The following LHX2 variants were observed in gnomAD, a reference collection of about 807,000 sequenced individuals.
LHX2 encodes the protein LIM/homeobox protein Lhx2.
LHX2 carries 6 observed loss-of-function variants against 33.0 expected under a neutral mutation model. That is an observed-to-expected ratio of 0.18 (90% CI 0.10 to 0.36). LHX2 has a LOEUF of 0.36. Among genes scored for constraint, LHX2 ranks in the 10% least tolerant of loss-of-function variants. The pLI, the probability that LHX2 is intolerant of heterozygous loss-of-function variation, is 1.00. For synonymous variants in LHX2, 292 were observed against 253.1 expected, an observed-to-expected ratio of 1.15 and a Z score of -1.46; for missense variants, 442 against 586.2, an observed-to-expected ratio of 0.75 and a Z score of 2.54.
rs114647072 is a variant in LHX2, at chr9:124,023,851, C to A, written c.933+2547C>A. Among the ~76,000 whole-genome samples, 1,522 of 152,274 alleles carry A rather than the reference C, an allele frequency of 1.0e-2. 30 individuals are homozygous for A. Among genetic ancestry groups the A allele is most frequent in the African/African-American group, 0.035 (1,443 of 41,534 alleles). ...CACCTGTTAGGTATAGACACAGACC[C>A]ATGTACAGTTTCCTCATGGTGTGAT... On this transcript the variant is annotated intron_variant, in intron 4 of 4. Transcript: ENST00000373615.
At chr9:124,027,772 C>T (rs907478794) in intron 4 of LHX2, among the ~76,000 whole-genome samples, 3 of 151,878 alleles carry the variant, frequency 2.0e-5, no homozygotes, top group Non-Finnish European at 2.9e-5. Context: ...GAGCTGAGAT[C>T]GCACTACTGT....
chr9:124,013,790 A>AT lies in LHX2; in HGVS notation c.121-170dup, dbSNP rs148072302. 8.8e-3 allele frequency among the ~76,000 whole-genome samples: 1,335 copies of AT among 152,344 alleles called. 12 individuals are homozygous for AT. Among genetic ancestry groups the AT allele is most frequent in the African/African-American group, 0.031 (1,289 of 41,598 alleles). ...GGCCTGGGTTCTGAACCGCCCAGAA[A>AT]TGGAAATGGGCCTTTTGGGGTGGGG... On this transcript the variant is annotated intron_variant, in intron 1 of 4. Coordinates refer to ENST00000373615, the MANE Select transcript of LHX2 (RefSeq NM_004789.4).
rs192376887 is a variant in LHX2, at chr9:124,032,991, T to C, written c.*284T>C. 4.4e-5 allele frequency: 13 copies of C among 293,762 alleles called. No homozygotes were observed. Among genetic ancestry groups the C allele is most frequent in the Admixed American group, 1.5e-4 (3 of 19,790 alleles). The allele number at this position is 293,762 out of a possible 1,614,324, so 18.2% of individuals were successfully genotyped here. A position where few individuals can be genotyped will look rare whatever the true frequency, so the allele number is the denominator to read the frequency against. On this transcript the variant is annotated 3_prime_UTR_variant, in exon 5 of 5. Coordinates refer to ENST00000373615, the MANE Select transcript of LHX2 (RefSeq NM_004789.4). This position sits in a 1 kb window ranked among gnomAD's most constrained non-coding sequence, Gnocchi z 4.1. The stretch of plus-strand genomic sequence containing the variant: ...AATAATTTAAGTTGGCTAGAGCTTC[T>C]GTATTTTCAAAGACTGCCACGTGCC...
Position 124,012,608 on chromosome 9 carries a change from C to A in LHX2, c.120+140C>A. 9.5e-7 allele frequency: 1 copy of A among 1,051,898 alleles called. No homozygotes were observed. Among genetic ancestry groups the A allele is most frequent in the Non-Finnish European group, 1.3e-6 (1 of 792,588 alleles). The allele number at this position is 1,051,898 out of a possible 1,614,324, so 65.2% of individuals were successfully genotyped here. A position where few individuals can be genotyped will look rare whatever the true frequency, so the allele number is the denominator to read the frequency against. ...GGGGATCCTCGGTCAGAATGCAAGG[C>A]CGGTGGCTCCCGGTTCGGGGGAAAC... is the stretch of plus-strand genomic sequence containing the variant. On this transcript the variant is annotated intron_variant, in intron 1 of 4. Transcript: ENST00000373615. The surrounding 1 kb of genome is among the most constrained non-coding windows in gnomAD (Gnocchi z 4.3).
intron 4 of LHX2, among the ~76,000 whole-genome samples, chr9:124,023,565 G>T (rs1217915859): frequency 1.3e-5 from 2 of 152,150 alleles, no homozygotes; most frequent in African/African-American, 2.4e-5. Context: ...TGTAGAAAGG[G>T]CACCATTAGG....
At position 124,012,236 on chromosome 9, in the gene LHX2, G is replaced by T. The variant is rs7868184; in HGVS notation, c.-113G>T. Reference sequence around the variant, plus strand: ...TCAGCCGAGCTCGGGCGGGGCCGGGGCCGCGGTGGCGATGCACCGGGCCCG... The same window carrying T: ...TCAGCCGAGCTCGGGCGGGGCCGGGTCCGCGGTGGCGATGCACCGGGCCCG... On this transcript the variant is annotated 5_prime_UTR_variant, in exon 1 of 5. Transcript: ENST00000373615. This position sits in a 1 kb window ranked among gnomAD's most constrained non-coding sequence, Gnocchi z 4.3. 70,216 of 1,117,780 alleles carry T rather than the reference G, an allele frequency of 0.063. 2,565 individuals carry two copies. Among genetic ancestry groups the T allele is most frequent in the African/African-American group, 0.13 (8,117 of 60,394 alleles). The allele number at this position is 1,117,780 out of a possible 1,614,324, so 69.2% of individuals were successfully genotyped here.
At position 124,032,282 on chromosome 9, in the gene LHX2, T is replaced by C. The variant is rs1471716721; in HGVS notation, c.934-138T>C. ...ACAAAAAAACCAAAAAAGCAAAATA[T>C]TGCCAACCTGACTTTTTGGATCCTC... is the stretch of plus-strand genomic sequence containing the variant. On this transcript the variant is annotated intron_variant, in intron 4 of 4. Coordinates refer to ENST00000373615, the MANE Select transcript of LHX2 (RefSeq NM_004789.4). The surrounding 1 kb of genome is among the most constrained non-coding windows in gnomAD (Gnocchi z 4.1). The C allele has an allele frequency of 3.6e-6, 4 of 1,096,864 alleles. No homozygotes were observed. In the African/African-American group the frequency reaches 4.8e-5, roughly 13 times the overall value. 67.9% of individuals were successfully genotyped at this position (1,096,864 alleles called of 1,614,324 possible). A position where few individuals can be genotyped will look rare whatever the true frequency, so the allele number is the denominator to read the frequency against.
Position 124,012,260 on chromosome 9 carries a change from C to T in LHX2, c.-89C>T. 1 of 1,306,076 alleles carries T rather than the reference C, an allele frequency of 7.7e-7. No individual in the cohort carries two copies. The allele number at this position is 1,306,076 out of a possible 1,614,324, so 80.9% of individuals were successfully genotyped here. Reference sequence around the variant, plus strand: ...GGCCGCGGTGGCGATGCACCGGGCCCGTTAGCGCCAGGAGCGCCAGGCAGC... The same window carrying T: ...GGCCGCGGTGGCGATGCACCGGGCCTGTTAGCGCCAGGAGCGCCAGGCAGC... On this transcript the variant is annotated 5_prime_UTR_variant, in exon 1 of 5. Transcript: ENST00000373615. This position sits in a 1 kb window ranked among gnomAD's most constrained non-coding sequence, Gnocchi z 4.3.
At chr9:124,020,766 T>TGG in intron 3 of LHX2, among the ~76,000 whole-genome samples, 1 of 152,298 alleles carries the variant, frequency 6.6e-6, no homozygotes, top group South Asian at 2.1e-4. Flanking sequence ...TGGAGTTCAA[T>TGG]CGGCCATCAA....
At position 124,013,994 on chromosome 9, in the gene LHX2, C is replaced by G; in HGVS notation, c.154C>G (p.Leu52Val). ...GTCCATCAGCAGTGACCGCGCCGCGCTGTGCGCCGGCTGCGGGGGCAAGAT... is the reference window on the plus strand; with the variant it reads ...GTCCATCAGCAGTGACCGCGCCGCGGTGTGCGCCGGCTGCGGGGGCAAGAT... ...MPSISSDRAA[L>V]CAGCGGKISD... is the part of the protein sequence containing the mutation. Residue 52 changes from leucine to valine, a missense_variant, in exon 2 of 5, where the codon CTG becomes GTG. Around this residue, in one of 5 missense-constraint regions of LHX2, gnomAD observed 97 missense variants for 81.5 expected, o/e 1.19. Transcript: ENST00000373615. 6.2e-7 allele frequency: 1 copy of G among 1,613,370 alleles called. No individual in the cohort carries two copies. The highest frequency in any genetic ancestry group is 8.5e-7 in the Non-Finnish European group (1 of 1,180,022).
At chr9:124,018,285 A>G (rs1165896680) in intron 3 of LHX2, among the ~76,000 whole-genome samples, 12 of 147,800 alleles carry the variant, frequency 8.1e-5, no homozygotes, top group Admixed American at 4.0e-4. Flanking sequence ...AAAAAAAAAA[A>G]AGGAGAGAGA....
intron 4 of LHX2, among the ~76,000 whole-genome samples, chr9:124,029,796 A>G (rs1179240530): frequency 6.6e-6 from 1 of 152,226 alleles, no homozygotes; most frequent in Non-Finnish European, 1.5e-5. Flanking sequence ...AGGCCAGGAC[A>G]GTGGCAAGGC....
chr9:124,018,147 G>A (rs1859226007), intron 3 of LHX2, among the ~76,000 whole-genome samples: 1 of 152,058 alleles, frequency 6.6e-6, no homozygotes. Context: ...GGCGAAGTCA[G>A]ATTTGATTAC....
intron 3 of LHX2, 32 bp from the exon 4 acceptor site, chr9:124,021,067 G>T (rs748137172): frequency 6.2e-7 from 1 of 1,607,184 alleles, no homozygotes; most frequent in East Asian, 2.2e-5. Context: ...GGGTCAGGAA[G>T]TTCACCCACC....
chr9:124,021,383 T>TG, intron 4 of LHX2, 79 bp downstream of exon 4: 1 of 1,278,756 alleles, frequency 7.8e-7, no homozygotes. Context: ...CCGTGGGCCT[T>TG]GGAAGGACCT....
rs1174023408 is a variant in LHX2 at position 124,012,381 on chromosome 9, G to C, written c.33G>C (p.Val11=). Residue 11 remains valine (V), a synonymous_variant, in exon 1 of 5, where the codon GTG becomes GTC. Transcript: ENST00000373615. The surrounding 1 kb of genome is among the most constrained non-coding windows in gnomAD (Gnocchi z 4.3). MLFHSLSGPE[V]HGVIDEMDRR... ...TCCACAGTCTGTCGGGCCCCGAGGT[G>C]CACGGGGTCATCGACGAGATGGACC... The C allele has an allele frequency of 1.0e-5, 16 of 1,530,540 alleles. No homozygotes were observed. In the Admixed American group the frequency reaches 3.2e-4, roughly 30 times the overall value. 94.8% of individuals were successfully genotyped at this position (1,530,540 alleles called of 1,614,324 possible).
At chr9:124,017,441 C>A (rs1052832431) in intron 3 of LHX2, among the ~76,000 whole-genome samples, 2 of 152,224 alleles carry the variant, frequency 1.3e-5, no homozygotes, top group Non-Finnish European at 2.9e-5. Flanking sequence ...ATCTGGCGTC[C>A]GCCCTTCCCT....
intron 3 of LHX2, among the ~76,000 whole-genome samples, chr9:124,019,816 C>T (rs1859261045): frequency 1.3e-5 from 2 of 152,206 alleles, no homozygotes; most frequent in African/African-American, 4.8e-5. Flanking sequence ...GAGGCTTACC[C>T]CAAGGCAAGA....
At chr9:124,026,429 C>T (rs1275457392) in intron 4 of LHX2, among the ~76,000 whole-genome samples, 1 of 151,164 alleles carries the variant, frequency 6.6e-6, no homozygotes, top group Non-Finnish European at 1.5e-5. Flanking sequence ...CCACTGTACT[C>T]CAGCCAGGGT....
Sources: allele counts gnomAD v4.1 joint callset (sites outside exome capture counted in the v4.1 genomes callset), GRCh38; gene constraint gnomAD v4.1.1; regional missense constraint gnomAD v4.1.1; non-coding constraint Gnocchi (gnomAD v3.1); transcripts MANE v1.5; gene names NCBI Gene and HGNC (gene_info 2026-07-23, HGNC 2026-07-21).